Variants in SPON2 observed in about 807,000 individuals in gnomAD.
SPON2 encodes spondin-2.
Under a neutral mutation model 29.9 loss-of-function variants are expected in SPON2, and 32 were observed. That is an observed-to-expected ratio of 1.07 (90% confidence interval 0.81 to 1.44). SPON2 has a LOEUF of 1.44. Among genes scored for constraint, SPON2 ranks in the 40% most tolerant of loss-of-function variants. The pLI, the probability that SPON2 is intolerant of heterozygous loss-of-function variation, is 0.00. For missense variants in SPON2, 541 were observed against 455.5 expected (o/e 1.19, Z -1.71); for synonymous variants, 248 against 209.1 (o/e 1.19, Z -1.61).
At chr4:1,176,431 T>C (rs1413700704), upstream of SPON2, among the ~76,000 whole-genome samples, 1 of 151,966 alleles carries the variant, frequency 6.6e-6, no homozygotes, top group African/African-American at 2.4e-5. Flanking sequence ...CCCATTCAAA[T>C]AGTACATTCA....
chr4:1,177,764 G>A (rs1390100703), upstream of SPON2, among the ~76,000 whole-genome samples: 2 of 152,054 alleles, frequency 1.3e-5, no homozygotes, highest in African/African-American at 4.8e-5. Flanking sequence ...TCCCTGGGGC[G>A]CGGCACAGGC....
chr4:1,190,284 A>C (rs1727888194), intron 1 of SPON2, among the ~76,000 whole-genome samples: 3 of 149,694 alleles, frequency 2.0e-5, no homozygotes, highest in African/African-American at 7.3e-5. Context: ...TGAAGTAGGA[A>C]AAAAAAAAAC....
At chr4:1,182,373 A>C (rs2108658451) in intron 1 of SPON2, among the ~76,000 whole-genome samples, 1 of 152,336 alleles carries the variant, frequency 6.6e-6, no homozygotes, top group South Asian at 2.1e-4. Context: ...ACCAAAATTG[A>C]AATATTCATA....
intron 1 of SPON2, among the ~76,000 whole-genome samples, chr4:1,185,980 C>T (rs566893827): frequency 2.7e-4 from 41 of 151,928 alleles, no homozygotes; most frequent in African/African-American, 9.9e-4. Flanking sequence ...CGTGGTGGCT[C>T]ACGCCTGTAA....
chr4:1,180,938 G>C (rs534632775), intron 1 of SPON2, among the ~76,000 whole-genome samples: 2 of 152,340 alleles, frequency 1.3e-5, no homozygotes, highest in African/African-American at 4.8e-5. Flanking sequence ...CCCAGAAAGG[G>C]AGGAGGGAGA....
intron 2 of SPON2, 111 bp downstream of exon 2, chr4:1,171,741 C>T (rs566316968): frequency 5.3e-4 from 454 of 863,416 alleles, no homozygotes; most frequent in Non-Finnish European, 8.3e-4. Flanking sequence ...GTTAGAGTCT[C>T]CCGACGTCAG....
At chr4:1,197,621 A>T (rs887092690), upstream of SPON2, among the ~76,000 whole-genome samples, 8 of 100,520 alleles carry the variant, frequency 8.0e-5, no homozygotes, top group Non-Finnish European at 1.7e-4. Flanking sequence ...AGTGCATTTT[A>T]AAAAGTAGGG....
chr4:1,194,607 G>A (rs972028525), intron 1 of SPON2, among the ~76,000 whole-genome samples: 10 of 152,280 alleles, frequency 6.6e-5, no homozygotes, highest in Admixed American at 3.9e-4. Flanking sequence ...CGGAGGCCCC[G>A]GGAAGAGTCC....
chr4:1,201,547 C>A (rs1203765547), intron 1 of SPON2: 1 of 159,186 alleles, frequency 6.3e-6, no homozygotes, highest in Admixed American at 6.4e-5. Flanking sequence ...GCCTGCCACA[C>A]TGAGGTCCGC....
chr4:1,171,326 G>A lies in SPON2; in HGVS notation c.381C>T (p.Pro127=), dbSNP rs770651200. 26 of 1,602,976 alleles carry A rather than the reference G, an allele frequency of 1.6e-5. No homozygotes were observed. In the South Asian group the frequency reaches 2.8e-4, roughly 17 times the overall value. ...TCTGCCCGGTGCCGCTGGGGACGGC[G>A]GGCGCCGAAAACACCGCGTGCACGC... The part of the protein sequence containing the change: ...LQSVHAVFSA[P]AVPSGTGQTS... The change falls in exon 3 of 6, where the codon CCC becomes CCT. Residue 127 remains proline (P), a synonymous_variant. Coordinates refer to ENST00000290902, the MANE Select transcript of SPON2 (RefSeq NM_012445.4).
chr4:1,181,454 A>G (rs1488788575), intron 1 of SPON2, among the ~76,000 whole-genome samples: 1 of 152,234 alleles, frequency 6.6e-6, no homozygotes, highest in Non-Finnish European at 1.5e-5. Flanking sequence ...TGGTAAAGGC[A>G]GTGACATGGG....
intron 1 of SPON2, among the ~76,000 whole-genome samples, chr4:1,182,183 C>G (rs1009492376): frequency 4.6e-5 from 7 of 152,052 alleles, no homozygotes; most frequent in African/African-American, 1.5e-4. Context: ...GAAAAAGAAT[C>G]ACAAGGCATA....
chr4:1,191,270 GACAATGGAAC>G (rs1395197219), intron 1 of SPON2, among the ~76,000 whole-genome samples: 1 of 152,124 alleles, frequency 6.6e-6, no homozygotes, highest in Non-Finnish European at 1.5e-5. Context: ...TAGGTATAGA[GACAATGGAAC>G]AGAATTGAAA....
chr4:1,180,255 G>A (rs2108657227), intron 1 of SPON2, among the ~76,000 whole-genome samples: 1 of 152,300 alleles, frequency 6.6e-6, no homozygotes, highest in South Asian at 2.1e-4. Context: ...CTGGTTCTGG[G>A]CCTTTAAGGA....
intron 1 of SPON2, among the ~76,000 whole-genome samples, chr4:1,180,779 CA>C (rs936878613): frequency 6.6e-6 from 1 of 152,034 alleles, no homozygotes; most frequent in African/African-American, 2.4e-5. Context: ...AAGATTTGAG[CA>C]GGTAGTGTAA....
intron 1 of SPON2, among the ~76,000 whole-genome samples, chr4:1,193,851 T>G (rs1576995715): frequency 1.4e-4 from 4 of 27,738 alleles, no homozygotes; most frequent in African/African-American, 2.9e-4. Flanking sequence ...GGGGGCAGCG[T>G]GGGAAGGACG....
upstream of SPON2, chr4:1,199,866 A>C (rs1399104978): frequency 2.6e-5 from 4 of 152,202 alleles, no homozygotes; most frequent in African/African-American, 9.7e-5. The surrounding 1 kb of genome is among the most constrained non-coding windows in gnomAD (Gnocchi z 4.5). Context: ...AGCCTCCGAC[A>C]ATTTGGCGAG....
rs1370391990 is a variant in SPON2, at chr4:1,167,074, A to G, written c.*398T>C. 5.7e-6 allele frequency: 1 copy of G among 174,208 alleles called. No individual in the cohort carries two copies. The highest frequency in any genetic ancestry group is 1.2e-5 in the Non-Finnish European group (1 of 83,212). The allele number at this position is 174,208 out of a possible 1,614,324, so 10.8% of individuals were successfully genotyped here. On this transcript the variant is annotated 3_prime_UTR_variant, in exon 6 of 6. Transcript: ENST00000290902. The stretch of plus-strand genomic sequence containing the variant: ...GCCCTCGGGAGAGTGGGCTCAGCAC[A>G]GCCTAGAGCACCAGGTCTGAGGTAT...
At chr4:1,205,536 T>A (rs1728319411) in intron 1 of SPON2, among the ~76,000 whole-genome samples, 1 of 152,150 alleles carries the variant, frequency 6.6e-6, no homozygotes, top group Non-Finnish European at 1.5e-5. Context: ...AAAACGAGGA[T>A]CCTGGCCTCC....
Sources: allele counts gnomAD v4.1 joint callset (sites outside exome capture counted in the v4.1 genomes callset), GRCh38; gene constraint gnomAD v4.1.1; non-coding constraint Gnocchi (gnomAD v3.1); transcripts MANE v1.5; gene names NCBI Gene and HGNC (gene_info 2026-07-23, HGNC 2026-07-21).